Variants in NEK10 observed in about 807,000 individuals in gnomAD.
NEK10 encodes NIMA related kinase 10, also known as serine/threonine-protein kinase Nek10.
A neutral mutation model predicts 159.8 loss-of-function variants in NEK10; 122 were observed. The ratio of observed to expected loss-of-function variants is 0.76; its 90% CI spans 0.66 to 0.89. The LOEUF (loss-of-function observed/expected upper bound fraction) is 0.89, where lower values mean the gene tolerates loss of function less well. NEK10 is among the 40% of genes least tolerant of loss of function. NEK10 has a pLI of 0.00. For missense variants in NEK10, 1,342 were observed against 1,323.1 expected (o/e 1.01, Z -0.22); for synonymous variants, 466 against 457.1 (o/e 1.02, Z -0.25).
At chr3:27,265,363 G>C (rs2040802237) in intron 22 of NEK10, among the ~76,000 whole-genome samples, 1 of 152,174 alleles carries the variant, frequency 6.6e-6, no homozygotes. Flanking sequence ...AAACTGCCAA[G>C]TCAAAATGTT....
chr3:27,153,317 C>A (rs1246301590), intron 30 of NEK10, among the ~76,000 whole-genome samples: 1 of 137,406 alleles, frequency 7.3e-6, no homozygotes, highest in Admixed American at 7.3e-5. Context: ...GAGACTCCAT[C>A]TCAAAAAAAA....
intron 5 of NEK10, among the ~76,000 whole-genome samples, chr3:27,339,782 A>G (rs1243903559): frequency 6.7e-6 from 1 of 150,184 alleles, no homozygotes; most frequent in Non-Finnish European, 1.5e-5. Context: ...CCATCTCAAA[A>G]AAAAAAAAAA....
chr3:27,283,674 A>G (rs1199708782), intron 22 of NEK10, among the ~76,000 whole-genome samples: 1 of 152,226 alleles, frequency 6.6e-6, no homozygotes, highest in Admixed American at 6.5e-5. Flanking sequence ...AGTTATGAGT[A>G]AGAATTCAAC....
At chr3:27,244,262 CAG>C (rs1184163364) in intron 23 of NEK10, among the ~76,000 whole-genome samples, 3 of 152,174 alleles carry the variant, frequency 2.0e-5, no homozygotes. Context: ...TTTGGAGGCA[CAG>C]AGAAATAAAA....
At chr3:27,199,072 C>CAAAAAAAAAAAAA (rs35333904) in intron 25 of NEK10, among the ~76,000 whole-genome samples, 1 of 77,744 alleles carries the variant, frequency 1.3e-5, no homozygotes. Flanking sequence ...GACTCCATCT[C>CAAAAAAAAAAAAA]AAAAAAAAAA....
chr3:27,216,782 G>A (rs1951571496), intron 23 of NEK10, among the ~76,000 whole-genome samples: 1 of 152,156 alleles, frequency 6.6e-6, no homozygotes, highest in Admixed American at 6.5e-5. Flanking sequence ...GCAGAGATAA[G>A]CTGTTATTAA....
chr3:27,184,312 G>T (rs1350802373), intron 26 of NEK10, among the ~76,000 whole-genome samples: 1 of 152,160 alleles, frequency 6.6e-6, no homozygotes, highest in Non-Finnish European at 1.5e-5. Flanking sequence ...TGGAAAAAAA[G>T]CCAGCCACTA....
chr3:27,363,350 T>C (rs2048820843), intron 1 of NEK10, among the ~76,000 whole-genome samples: 2 of 152,218 alleles, frequency 1.3e-5, no homozygotes, highest in South Asian at 4.1e-4. Context: ...TGTAAACTAG[T>C]CAAGCATATG....
chr3:27,219,220 G>A (rs3099208), intron 23 of NEK10, among the ~76,000 whole-genome samples: 37 of 152,338 alleles, frequency 2.4e-4, no homozygotes, highest in African/African-American at 8.2e-4. Context: ...GCACCTACCA[G>A]GGGAGTTTCC....
chr3:27,313,433 ATTAG>A (rs900475348), intron 7 of NEK10, among the ~76,000 whole-genome samples: 1 of 152,130 alleles, frequency 6.6e-6, no homozygotes, highest in Non-Finnish European at 1.5e-5. Context: ...TCATCTATTT[ATTAG>A]TATTTTAGTG....
chr3:27,233,905 A>G (rs900388566), intron 23 of NEK10, among the ~76,000 whole-genome samples: 1 of 152,154 alleles, frequency 6.6e-6, no homozygotes, highest in Admixed American at 6.6e-5. Flanking sequence ...GCACCACATC[A>G]AAAAGCTTAA....
At chr3:27,257,322 A>G (rs1351995205) in intron 22 of NEK10, among the ~76,000 whole-genome samples, 1 of 152,186 alleles carries the variant, frequency 6.6e-6, no homozygotes, top group Admixed American at 6.5e-5. Flanking sequence ...AATTACCAGG[A>G]TTGCACAAAA....
chr3:27,132,783 A>C (rs1942771829), intron 31 of NEK10, among the ~76,000 whole-genome samples: 1 of 152,136 alleles, frequency 6.6e-6, no homozygotes, highest in South Asian at 2.1e-4. Context: ...TCAGAGTGGA[A>C]ATAATATTTG....
intron 23 of NEK10, among the ~76,000 whole-genome samples, chr3:27,222,216 T>C (rs1952186890): frequency 6.6e-6 from 1 of 151,982 alleles, no homozygotes. Flanking sequence ...CTACTAAAAA[T>C]ACAAAAATTA....
chr3:27,263,408 C>T (rs1417193946), intron 22 of NEK10, among the ~76,000 whole-genome samples: 1 of 152,188 alleles, frequency 6.6e-6, no homozygotes, highest in African/African-American at 2.4e-5. Context: ...ATGCTCTGCC[C>T]CCAGAGGTGG....
At chr3:27,169,237 G>GA (rs1946740093) in intron 29 of NEK10, among the ~76,000 whole-genome samples, 1 of 152,174 alleles carries the variant, frequency 6.6e-6, no homozygotes, top group Non-Finnish European at 1.5e-5. Context: ...GTTAGCAATA[G>GA]AAAGTCAGTA....
At chr3:27,204,277 T>C (rs1950298129) in intron 23 of NEK10, among the ~76,000 whole-genome samples, 1 of 88,188 alleles carries the variant, frequency 1.1e-5, no homozygotes, top group African/African-American at 1.1e-4. Flanking sequence ...TAAATTTTCT[T>C]TTTTTTTTTT....
intron 26 of NEK10, among the ~76,000 whole-genome samples, chr3:27,176,561 T>C (rs374731822): frequency 1.2e-3 from 183 of 152,314 alleles, no homozygotes; most frequent in African/African-American, 4.3e-3. Flanking sequence ...CTCAAAACTT[T>C]ATTGCAAAAC....
intron 25 of NEK10, among the ~76,000 whole-genome samples, chr3:27,196,576 A>T (rs1023437364): frequency 6.6e-6 from 1 of 152,056 alleles, no homozygotes; most frequent in Non-Finnish European, 1.5e-5. Flanking sequence ...TTACACTCCA[A>T]TGTTGCTATC....
Sources: gnomAD v4.1 joint callset for allele counts (sites outside exome capture counted in the v4.1 genomes callset) on GRCh38, gnomAD v4.1.1 for gene constraint, MANE v1.5 for transcripts, NCBI Gene and HGNC (gene_info 2026-07-23, HGNC 2026-07-21) for gene names.